SORBS2: variants seen among roughly 807,000 people sequenced by gnomAD.
SORBS2 encodes sorbin and SH3 domain-containing protein 2.
Under a neutral mutation model 97.7 loss-of-function variants are expected in SORBS2, and 46 were observed. The observed-to-expected ratio is 0.47, with a 90% CI of 0.37 to 0.60. The LOEUF (loss-of-function observed/expected upper bound fraction) is 0.60, where lower values mean the gene tolerates loss of function less well. SORBS2 is among the 20% of genes least tolerant of loss of function. The probability of loss-of-function intolerance (pLI) is 0.00; values close to 1 mark genes in which losing one functional copy is unlikely to be tolerated. For synonymous variants in SORBS2, 476 were observed against 473.4 expected (o/e 1.01, Z -0.07); for missense variants, 1,316 against 1,282.3 (o/e 1.03, Z -0.40).
At chr4:185,678,664 C>T in intron 3 of SORBS2, 117 bp from the exon 7 acceptor site, 1 of 1,265,034 alleles carries the variant, frequency 7.9e-7, no homozygotes, top group Non-Finnish European at 1.1e-6. Context: ...AGTGTTCTTA[C>T]TAGAGGTTTA....
chr4:185,865,311 G>A (rs1361597106), intron 1 of SORBS2, among the ~76,000 whole-genome samples: 1 of 152,130 alleles, frequency 6.6e-6, no homozygotes, highest in Non-Finnish European at 1.5e-5. Flanking sequence ...GAATTTCAGG[G>A]ACTCCACTGT....
intron 1 of SORBS2, among the ~76,000 whole-genome samples, chr4:185,929,676 C>T (rs528311564): frequency 3.0e-4 from 45 of 151,988 alleles, no homozygotes; most frequent in Non-Finnish European, 5.9e-4. Flanking sequence ...GCTGGGACTA[C>T]AGGCATGCAC....
chr4:185,903,126 C>G (rs2099248622), intron 1 of SORBS2, among the ~76,000 whole-genome samples: 1 of 152,154 alleles, frequency 6.6e-6, no homozygotes, highest in South Asian at 2.1e-4. Flanking sequence ...ATTATTTCTA[C>G]TAAAGCACTG....
At chr4:185,662,206 C>G (rs201256597) in exon 5 of SORBS2, 7 of 1,613,096 alleles carry the variant, frequency 4.3e-6, no homozygotes, top group Admixed American at 3.3e-5. Context: ...ATGGGACTCA[C>G]GGCACCTCCT....
chr4:185,604,529 G>A (rs2096359843), intron 12 of SORBS2, among the ~76,000 whole-genome samples: 1 of 152,168 alleles, frequency 6.6e-6, no homozygotes, highest in African/African-American at 2.4e-5. Context: ...AATGACGGAG[G>A]CTTAAATATC....
intron 1 of SORBS2, among the ~76,000 whole-genome samples, chr4:185,863,000 C>G (rs1188602929): frequency 6.6e-6 from 1 of 152,222 alleles, no homozygotes; most frequent in Non-Finnish European, 1.5e-5. Flanking sequence ...CCCCTCATCC[C>G]TGCCTGTGCC....
At position 185,684,897 on chromosome 4, in the gene SORBS2, G is replaced by A. The variant is rs2097925971; in HGVS notation, c.-197-6075C>T. On this transcript the variant is annotated intron_variant, in intron 2 of 20. Transcript: ENST00000284776. The surrounding 1 kb of genome is among the most constrained non-coding windows in gnomAD (Gnocchi z 4.2). ...GAGGCCAAGGCAACGGGAAAAGCAC[G>A]TGCAATATCATGCGTTTTAAGAGAA... The A allele has an allele frequency of 1.5e-6, 2 of 1,346,076 alleles. No homozygotes were observed. The highest frequency in any genetic ancestry group is 2.0e-5 in the Admixed American group (1 of 49,706). The allele number at this position is 1,346,076 out of a possible 1,614,324, so 83.4% of individuals were successfully genotyped here.
In SORBS2 at chr4:185,884,343, G is replaced by C. The variant is rs930422201; in HGVS notation, c.-338+71853C>G. The stretch of plus-strand genomic sequence containing the variant: ...TTAATACAAATGTTAACATGTATCA[G>C]TTAACATTCCTGATGTTTATAGTAG... On this transcript the variant is annotated intron_variant, in intron 1 of 20. Transcript: ENST00000284776. 4.6e-5 allele frequency among the ~76,000 whole-genome samples: 7 copies of C among 152,232 alleles called. No individual in the cohort carries two copies. The East Asian group carries it at 1.4e-3, about 29-fold the overall frequency.
chr4:185,751,190 A>AAG (rs1554255996), intron 2 of SORBS2, among the ~76,000 whole-genome samples: 10 of 86,508 alleles, frequency 1.2e-4, no homozygotes, highest in South Asian at 9.4e-4. Flanking sequence ...AAAAAAAAAA[A>AAG]AGAGAAAGAG....
chr4:185,718,521 A>T (rs2098484476), intron 2 of SORBS2, among the ~76,000 whole-genome samples: 1 of 152,202 alleles, frequency 6.6e-6, no homozygotes, highest in Non-Finnish European at 1.5e-5. Flanking sequence ...AGTTTTCTTA[A>T]ATCTGCTGTC....
rs893949986 is a variant in SORBS2 at position 185,950,869 on chromosome 4, G to C, written c.-338+5327C>G. ...CTTGAATGTCTCTAAGAGCAGAATAGGAAGGGAATAGGGTTCCCAGATGGT... is the reference window on the plus strand; with the variant it reads ...CTTGAATGTCTCTAAGAGCAGAATACGAAGGGAATAGGGTTCCCAGATGGT... On this transcript the variant is annotated intron_variant, in intron 1 of 20. Transcript: ENST00000284776. 1.3e-4 allele frequency among the ~76,000 whole-genome samples: 20 copies of C among 152,300 alleles called. No individual in the cohort carries two copies. The East Asian group carries it at 3.7e-3, about 28-fold the overall frequency.
chr4:185,883,094 A>C (rs1326518030), intron 1 of SORBS2, among the ~76,000 whole-genome samples: 1 of 152,202 alleles, frequency 6.6e-6, no homozygotes, highest in African/African-American at 2.4e-5. Flanking sequence ...ACTGTGGAAG[A>C]TACTGCTAAG....
chr4:185,894,247 A>G (rs4862588), intron 1 of SORBS2: 42,747 of 132,060 alleles, frequency 0.32, 6,297 homozygotes, highest in East Asian at 0.56. Flanking sequence ...AGGATCAAAC[A>G]CAGAAGAAAA....
chr4:185,852,282 A>G (rs2099218327), intron 1 of SORBS2, among the ~76,000 whole-genome samples: 1 of 152,202 alleles, frequency 6.6e-6, no homozygotes, highest in African/African-American at 2.4e-5. Flanking sequence ...GAAACAGAAA[A>G]TAGCTTAAGG....
At chr4:185,649,607 G>T (rs1168036836) in exon 3 of SORBS2, 2 of 1,595,476 alleles carry the variant, frequency 1.3e-6, no homozygotes, top group Admixed American at 3.5e-5. Context: ...TGTAGGTTTG[G>T]GTCTTTGCAG....
chr4:185,956,360 A>G (rs2099279516), exon 1 of SORBS2: 1 of 152,262 alleles, frequency 6.6e-6, no homozygotes, highest in African/African-American at 2.4e-5. Context: ...TTCATCCACA[A>G]TAAAAGGAGA....
intron 1 of SORBS2, among the ~76,000 whole-genome samples, chr4:185,843,409 G>A (rs955165470): frequency 6.6e-6 from 1 of 151,970 alleles, no homozygotes; most frequent in Non-Finnish European, 1.5e-5. Context: ...AAATAAAACG[G>A]TTTTTATTCA....
exon 7 of SORBS2, chr4:185,624,315 A>T (rs756818307): frequency 6.2e-7 from 1 of 1,614,050 alleles, no homozygotes; most frequent in Admixed American, 1.7e-5. Context: ...GTGCTGCTCC[A>T]GATTTCTGCG....
intron 4 of SORBS2, among the ~76,000 whole-genome samples, chr4:185,670,679 C>T (rs1198443055): frequency 1.3e-5 from 2 of 151,574 alleles, no homozygotes; most frequent in South Asian, 2.1e-4. Flanking sequence ...CCACTGTGCC[C>T]GGCTGGAAGG....
Sources: gnomAD v4.1 joint callset for allele counts (sites outside exome capture counted in the v4.1 genomes callset) on GRCh38, gnomAD v4.1.1 for gene constraint, Gnocchi (gnomAD v3.1) non-coding constraint, MANE v1.5 for transcripts, NCBI Gene and HGNC (gene_info 2026-07-23, HGNC 2026-07-21) for gene names.